Variants in CNTNAP5 observed in about 807,000 individuals in gnomAD.
CNTNAP5 encodes the protein contactin-associated protein-like 5.
Under a neutral mutation model 150.2 loss-of-function variants are expected in CNTNAP5, and 72 were observed. The observed-to-expected ratio is 0.48, with a 90% CI of 0.40 to 0.58. The LOEUF is 0.58. Ranked by LOEUF, CNTNAP5 falls within the 20% of genes least tolerant of loss-of-function variation. CNTNAP5 has a pLI of 0.00. For synonymous variants in CNTNAP5, 672 were observed against 619.8 expected, an observed-to-expected ratio of 1.08 and a Z score of -1.25; for missense variants, 1,636 against 1,626.2, an observed-to-expected ratio of 1.01 and a Z score of -0.10.
chr2:124,817,073 C>T (rs2104664602), intron 19 of CNTNAP5, among the ~76,000 whole-genome samples: 1 of 152,182 alleles, frequency 6.6e-6, no homozygotes, highest in African/African-American at 2.4e-5. Context: ...CATATATTTG[C>T]TGTAAGCAGC....
chr2:124,588,227 TCTTTCTTTCTTC>T (rs1182332939), intron 11 of CNTNAP5, among the ~76,000 whole-genome samples: 1 of 146,946 alleles, frequency 6.8e-6, no homozygotes, highest in African/African-American at 2.5e-5. Context: ...TTTCTTTCTT[TCTTTCTTTCTTC>T]TTTCTTTATT....
intron 3 of CNTNAP5, among the ~76,000 whole-genome samples, chr2:124,318,815 ATC>A (rs2104666322): frequency 1.3e-5 from 2 of 150,990 alleles, no homozygotes; most frequent in South Asian, 4.2e-4. Flanking sequence ...TTCCATCTCT[ATC>A]TCCTAAATAT....
At chr2:124,261,085 T>TG (rs1687441657) in intron 3 of CNTNAP5, among the ~76,000 whole-genome samples, 1 of 152,134 alleles carries the variant, frequency 6.6e-6, no homozygotes, top group African/African-American at 2.4e-5. Context: ...AGAAATTTCT[T>TG]TATGGCAATT....
intron 11 of CNTNAP5, among the ~76,000 whole-genome samples, chr2:124,592,365 G>GTA (rs765159762): frequency 9.7e-4 from 118 of 122,118 alleles, no homozygotes; most frequent in Non-Finnish European, 1.6e-3. Context: ...GTATACGTGT[G>GTA]TATATATATA....
chr2:124,478,903 A>G (rs947289885), intron 7 of CNTNAP5, among the ~76,000 whole-genome samples: 4 of 152,184 alleles, frequency 2.6e-5, no homozygotes, highest in African/African-American at 9.7e-5. Flanking sequence ...CCTTTGCCTA[A>G]CCTAACGTAT....
At chr2:124,713,367 C>CTTTCTTTCTTTA (rs1249435379) in intron 13 of CNTNAP5, among the ~76,000 whole-genome samples, 1 of 121,562 alleles carries the variant, frequency 8.2e-6, no homozygotes, top group Non-Finnish European at 1.7e-5. Flanking sequence ...TTCTTTCTTT[C>CTTTCTTTCTTTA]TTTCTTTCTT....
At chr2:124,074,756 A>G (rs1682398132) in intron 1 of CNTNAP5, among the ~76,000 whole-genome samples, 1 of 152,152 alleles carries the variant, frequency 6.6e-6, no homozygotes, top group South Asian at 2.1e-4. Context: ...TGTGTCTACC[A>G]TCTCCAGCAA....
intron 3 of CNTNAP5, among the ~76,000 whole-genome samples, chr2:124,356,966 C>T (rs562811974): frequency 3.3e-5 from 5 of 152,198 alleles, no homozygotes; most frequent in African/African-American, 1.2e-4. Context: ...TCTCCAGCAC[C>T]TGTTGTTTCC....
chr2:124,655,994 A>G lies in CNTNAP5; in HGVS notation c.2077+8036A>G, dbSNP rs977650257. On this transcript the variant is annotated intron_variant, in intron 13 of 23. Transcript: ENST00000682447. ...AAGAAAGAAAGAAAGAAAGAAAGAA[A>G]GAAAAAAGGAAGGAAGGAAGGAAGG... is the stretch of plus-strand genomic sequence containing the variant. Among the ~76,000 whole-genome samples, 104 of 143,506 alleles carry G rather than the reference A, an allele frequency of 7.2e-4. 1 individual carries two copies. Among genetic ancestry groups the G allele is most frequent in the African/African-American group, 1.5e-3 (59 of 38,970 alleles). 94.1% of individuals were successfully genotyped at this position (143,506 alleles called of 152,430 possible).
chr2:124,429,241 T>A (rs1347096136), intron 4 of CNTNAP5, among the ~76,000 whole-genome samples: 1 of 152,176 alleles, frequency 6.6e-6, no homozygotes, highest in East Asian at 1.9e-4. Flanking sequence ...TTGAAACTCA[T>A]CCTGTTTTTT....
At chr2:124,520,635 C>T (rs1694828108) in intron 8 of CNTNAP5, among the ~76,000 whole-genome samples, 1 of 152,114 alleles carries the variant, frequency 6.6e-6, no homozygotes, top group Admixed American at 6.5e-5. Flanking sequence ...AACCCAAATC[C>T]CATCTTTTAG....
At chr2:124,707,037 A>AG (rs1679681230) in intron 13 of CNTNAP5, among the ~76,000 whole-genome samples, 8 of 129,238 alleles carry the variant, frequency 6.2e-5, no homozygotes, top group Non-Finnish European at 1.3e-4. Flanking sequence ...AAGAAGAAGA[A>AG]GAAGGAGGAG....
intron 1 of CNTNAP5, among the ~76,000 whole-genome samples, chr2:124,155,237 G>A (rs937458808): frequency 3.9e-5 from 6 of 152,014 alleles, no homozygotes; most frequent in African/African-American, 1.4e-4. Context: ...CTGCTCTTTA[G>A]ATATTCAAAG....
intron 14 of CNTNAP5, among the ~76,000 whole-genome samples, chr2:124,750,232 C>T (rs1680695700): frequency 6.6e-6 from 1 of 152,180 alleles, no homozygotes; most frequent in African/African-American, 2.4e-5. Flanking sequence ...GTTCAACAAT[C>T]AGCCTATCAA....
chr2:124,578,542 C>T (rs558747959), intron 11 of CNTNAP5, among the ~76,000 whole-genome samples: 5 of 151,968 alleles, frequency 3.3e-5, no homozygotes, highest in South Asian at 2.1e-4. Flanking sequence ...AAGGCCGAGG[C>T]GGTGGATCAC....
At chr2:124,478,927 G>C (rs1693705205) in intron 7 of CNTNAP5, among the ~76,000 whole-genome samples, 1 of 152,144 alleles carries the variant, frequency 6.6e-6, no homozygotes, top group South Asian at 2.1e-4. Context: ...TCTTTAGCAG[G>C]CTGCATTCAG....
intron 5 of CNTNAP5, among the ~76,000 whole-genome samples, chr2:124,446,446 A>G (rs1312416405): frequency 6.6e-6 from 1 of 152,124 alleles, no homozygotes; most frequent in Non-Finnish European, 1.5e-5. Context: ...CTTTCTAAAA[A>G]CAAAATCCCC....
At chr2:124,325,023 A>G (rs1689183003) in intron 3 of CNTNAP5, among the ~76,000 whole-genome samples, 1 of 152,236 alleles carries the variant, frequency 6.6e-6, no homozygotes. Flanking sequence ...ACAGGATGCT[A>G]TGGCTTGAAT....
At chr2:124,867,762 G>T (rs1021878015) in intron 20 of CNTNAP5, among the ~76,000 whole-genome samples, 1 of 152,240 alleles carries the variant, frequency 6.6e-6, no homozygotes, top group Admixed American at 6.5e-5. Flanking sequence ...TCATGTACAT[G>T]CTGATGAATC....
Sources: allele counts gnomAD v4.1 joint callset (sites outside exome capture counted in the v4.1 genomes callset), GRCh38; gene constraint gnomAD v4.1.1; transcripts MANE v1.5; gene names NCBI Gene and HGNC (gene_info 2026-07-23, HGNC 2026-07-21).